HMSD: variants seen among roughly 807,000 people sequenced by gnomAD.
HMSD encodes serpin-like protein HMSD.
Under a neutral mutation model 10.0 loss-of-function variants are expected in HMSD, and 13 were observed. The ratio of observed to expected loss-of-function variants is 1.31; its 90% CI spans 0.85 to 2.08. The LOEUF (loss-of-function observed/expected upper bound fraction) is 2.08. Among genes scored for constraint, HMSD ranks in the 30% most tolerant of loss-of-function variants. The probability of loss-of-function intolerance (pLI) is 0.00; values close to 1 mark genes in which losing one functional copy is unlikely to be tolerated. For missense variants in HMSD, 169 were observed against 166.3 expected (o/e 1.02, Z -0.09); for synonymous variants, 51 against 54.2 (o/e 0.94, Z 0.26).
chr18:63,968,007 T>C (rs2050417704), intron 3 of HMSD: 1 of 152,254 alleles, frequency 6.6e-6, no homozygotes, highest in African/African-American at 2.4e-5. Context: ...AGACCAGTTC[T>C]ACTTTTCATT....
intron 2 of HMSD, 152 bp downstream of exon 2, chr18:63,953,679 T>G: frequency 1.4e-6 from 1 of 700,626 alleles, no homozygotes; most frequent in African/African-American, 1.8e-5. Flanking sequence ...GGATGGAGCA[T>G]GTTTTCAAGG....
downstream of HMSD, among the ~76,000 whole-genome samples, chr18:63,963,144 TC>T (rs1478726160): frequency 0.013 from 1,903 of 141,574 alleles, 34 homozygotes; most frequent in Non-Finnish European, 0.021. Context: ...CTTTCTTTCT[TC>T]TCTCTCTCTT....
chr18:63,960,147 G>T lies in HMSD; in HGVS notation c.223-11G>T, dbSNP rs1171883457. 75 of 1,606,606 alleles carry T rather than the reference G, an allele frequency of 4.7e-5. No individual in the cohort carries two copies. Among genetic ancestry groups the T allele is most frequent in the Admixed American group, 1.6e-4 (9 of 58,002 alleles). On this transcript the variant is annotated splice_polypyrimidine_tract_variant and intron_variant, in intron 3 of 3. Coordinates refer to ENST00000408945, the MANE Select transcript of HMSD (RefSeq NM_001123366.2). ...CTGTAGCTGTGAAATTATGTTTTTG[G>T]TTTTTCCTAGGGTTTTACAGATTCC... is the stretch of plus-strand genomic sequence containing the variant.
At chr18:63,959,744 C>T (rs561260861) in intron 3 of HMSD, among the ~76,000 whole-genome samples, 1 of 152,174 alleles carries the variant, frequency 6.6e-6, no homozygotes, top group East Asian at 1.9e-4. Flanking sequence ...ATATTGAAGT[C>T]TCCAGTTATA....
chr18:63,956,038 C>T (rs952886615), intron 3 of HMSD, among the ~76,000 whole-genome samples: 2 of 152,192 alleles, frequency 1.3e-5, no homozygotes, highest in African/African-American at 4.8e-5. Context: ...CTCTACAAGC[C>T]TTGGGCCCTG....
downstream of HMSD, among the ~76,000 whole-genome samples, chr18:63,963,114 TTTC>T (rs1443820302): frequency 3.0e-3 from 412 of 137,338 alleles, 4 homozygotes; most frequent in Non-Finnish European, 4.6e-3. Flanking sequence ...TCTTTCTTTC[TTTC>T]TTTCTTTCTT....
At chr18:63,962,951 G>A (rs1156253034), downstream of HMSD, among the ~76,000 whole-genome samples, 2 of 152,050 alleles carry the variant, frequency 1.3e-5, no homozygotes, top group Non-Finnish European at 2.9e-5. Context: ...ATCATAGCAT[G>A]GACCATGCAC....
chr18:63,964,408 C>T (rs961991827), downstream of HMSD, among the ~76,000 whole-genome samples: 2 of 152,166 alleles, frequency 1.3e-5, no homozygotes, highest in African/African-American at 4.8e-5. Flanking sequence ...GGCATGGTGG[C>T]ACCTGCCTAT....
chr18:63,967,575 G>A (rs2050415664), intron 3 of HMSD, among the ~76,000 whole-genome samples: 1 of 152,172 alleles, frequency 6.6e-6, no homozygotes, highest in East Asian at 1.9e-4. Flanking sequence ...GACGGTGGTA[G>A]CTCAACCTGA....
In HMSD at chr18:63,954,551, C is replaced by T; in HGVS notation, c.216C>T (p.Phe72=). The T allele has an allele frequency of 1.2e-6, 2 of 1,609,496 alleles. No individual in the cohort carries two copies. Among genetic ancestry groups the T allele is most frequent in the East Asian group, 2.2e-5 (1 of 44,820 alleles). The change falls in exon 3 of 4, where the codon TTC becomes TTT. Residue 72 remains phenylalanine (F), a synonymous_variant. Coordinates refer to ENST00000408945, the MANE Select transcript of HMSD (RefSeq NM_001123366.2). The part of the protein sequence containing the change: ...NGLFGEKSYD[F]LTGFTDSCGK... ...TCTTTGGAGAAAAGTCTTATGATTT[C>T]CTCACAGTAAGTCATACTTGTTTAT...
At chr18:63,958,418 G>A (rs1265210498) in intron 3 of HMSD, among the ~76,000 whole-genome samples, 4 of 152,078 alleles carry the variant, frequency 2.6e-5, no homozygotes, top group Non-Finnish European at 5.9e-5. Context: ...GCAAAATTAT[G>A]GAAAGGGAAA....
chr18:63,963,106 T>A, downstream of HMSD, among the ~76,000 whole-genome samples: 1 of 135,606 alleles, frequency 7.4e-6, no homozygotes, highest in Non-Finnish European at 1.5e-5. Context: ...TCTTTCTTTC[T>A]TTCTTTCTTT....
At chr18:63,969,522 C>A (rs2050431563) in intron 3 of HMSD, 2 of 152,086 alleles carry the variant, frequency 1.3e-5, no homozygotes, top group African/African-American at 4.8e-5. Flanking sequence ...GAGAGATGTC[C>A]AGTAGTACAC....
At chr18:63,955,806 C>A (rs564696205) in intron 3 of HMSD, among the ~76,000 whole-genome samples, 2 of 152,178 alleles carry the variant, frequency 1.3e-5, no homozygotes, top group Non-Finnish European at 2.9e-5. Context: ...AATCTGGGCA[C>A]CAGCCTGTCT....
rs1032564798 is a variant in HMSD at position 63,961,365 on chromosome 18, G to T, written c.*1010G>T. ...ACAATATGCATATTGTTCCTAGAGG[G>T]TCTTGTGAAATTTTGTTTGTCATAT... is the stretch of plus-strand genomic sequence containing the variant. On this transcript the variant is annotated 3_prime_UTR_variant, in exon 4 of 4. Transcript: ENST00000408945. 2 of 152,164 alleles carry T rather than the reference G, an allele frequency of 1.3e-5. No homozygotes were observed. The highest frequency in any genetic ancestry group is 6.5e-5 in the Admixed American group (1 of 15,278). 9.4% of individuals were successfully genotyped at this position (152,164 alleles called of 1,614,324 possible). A position where few individuals can be genotyped will look rare whatever the true frequency, so the allele number is the denominator to read the frequency against.
rs759290376 is a variant in HMSD at position 63,954,451 on chromosome 18, A to T, written c.116A>T (p.His39Leu). 1.4e-5 allele frequency: 23 copies of T among 1,611,278 alleles called. No homozygotes were observed. The highest frequency in any genetic ancestry group is 1.8e-5 in the Non-Finnish European group (21 of 1,179,378). ...ATCGGAGGTGAAGATGGAGATATTC[A>T]TCGAGGTTTTCAGTCACTTCTTGTT... is the stretch of plus-strand genomic sequence containing the variant. ...SKIGGEDGDI[H>L]RGFQSLLVAI... The change falls in exon 3 of 4, where the codon CAT (histidine) becomes CTT (leucine). Residue 39 changes from histidine (H) to leucine (L), a missense_variant. Coordinates refer to ENST00000408945, the MANE Select transcript of HMSD (RefSeq NM_001123366.2).
At chr18:63,965,139 C>T (rs1030669410), downstream of HMSD, among the ~76,000 whole-genome samples, 1 of 152,210 alleles carries the variant, frequency 6.6e-6, no homozygotes, top group Non-Finnish European at 1.5e-5. Flanking sequence ...AGACTGAAGT[C>T]CACAGTGTGG....
At chr18:63,955,208 A>G (rs1396740548) in intron 3 of HMSD, among the ~76,000 whole-genome samples, 1 of 152,096 alleles carries the variant, frequency 6.6e-6, no homozygotes, top group Non-Finnish European at 1.5e-5. Flanking sequence ...ATGTAATGTT[A>G]TTGTACTATG....
intron 3 of HMSD, among the ~76,000 whole-genome samples, chr18:63,969,017 G>A (rs1869526351): frequency 6.6e-6 from 1 of 152,206 alleles, no homozygotes; most frequent in South Asian, 2.1e-4. Context: ...GGTGCAGAGT[G>A]GGAATGTGCA....
Sources: allele counts gnomAD v4.1 joint callset (sites outside exome capture counted in the v4.1 genomes callset), GRCh38; gene constraint gnomAD v4.1.1; transcripts MANE v1.5; gene names NCBI Gene and HGNC (gene_info 2026-07-23, HGNC 2026-07-21).